Variants in VPS37D observed in about 807,000 individuals in gnomAD.
VPS37D encodes vacuolar protein sorting-associated protein 37D.
In VPS37D, 5 loss-of-function variants were observed where a neutral mutation model predicts 22.0. That is an observed-to-expected ratio of 0.23 (90% CI 0.12 to 0.48). The LOEUF (loss-of-function observed/expected upper bound fraction) is 0.48, where lower values mean the gene tolerates loss of function less well. Among genes scored for constraint, VPS37D ranks in the 20% least tolerant of loss-of-function variants. The pLI is 0.99. For missense variants in VPS37D, 384 were observed against 345.8 expected (o/e 1.11, Z -0.88); for synonymous variants, 174 against 159.3 (o/e 1.09, Z -0.69).
Position 73,668,043 on chromosome 7 carries a change from G to A in VPS37D, c.85G>A (p.Asp29Asn). The A allele has an allele frequency of 8.6e-7, 1 of 1,168,936 alleles. No individual in the cohort carries two copies. Among genetic ancestry groups the A allele is most frequent in the South Asian group, 3.0e-5 (1 of 32,852 alleles). 72.4% of individuals were successfully genotyped at this position (1,168,936 alleles called of 1,614,324 possible). A position where few individuals can be genotyped will look rare whatever the true frequency, so the allele number is the denominator to read the frequency against. ...FGILSTGQLR[D>N]LLQDEPKLDR... is the part of the protein sequence containing the mutation. ...GATCCTCAGCACCGGGCAGCTCCGG[G>A]ACCTGCTTCAGGATGAGCCCAAGCT... The change falls in exon 1 of 4, where the codon GAC becomes AAC. Residue 29 changes from aspartate to asparagine, a missense_variant. Coordinates refer to ENST00000324941, the MANE Select transcript of VPS37D (RefSeq NM_001077621.2).
intron 3 of VPS37D, among the ~76,000 whole-genome samples, chr7:73,670,667 G>A (rs1417642530): frequency 1.3e-5 from 2 of 152,076 alleles, no homozygotes; most frequent in Non-Finnish European, 1.5e-5. Context: ...AAAATTAGCC[G>A]GGCGTGGTGG....
upstream of VPS37D, among the ~76,000 whole-genome samples, chr7:73,666,973 C>CTT (rs71082248): frequency 0.026 from 3,364 of 129,944 alleles, 173 homozygotes; most frequent in African/African-American, 0.068. Context: ...TCTTTTCACT[C>CTT]TTTTTTTTTT....
chr7:73,669,022 A>G (rs1797445534), intron 1 of VPS37D, among the ~76,000 whole-genome samples: 1 of 151,802 alleles, frequency 6.6e-6, no homozygotes, highest in Non-Finnish European at 1.5e-5. Context: ...AGTGAGAGGG[A>G]AGCTGTCCAT....
rs1341907637 is a variant in VPS37D, at chr7:73,668,113, G to C, written c.138+17G>C. The stretch of plus-strand genomic sequence containing the variant: ...AGCAGGAAGGTAGCGCGGGGGGCTC[G>C]AGCGGGGGGCGCGGGGGACGGGCAG... On this transcript the variant is annotated intron_variant, in intron 1 of 3. Transcript: ENST00000324941. 29 of 1,089,930 alleles carry C rather than the reference G, an allele frequency of 2.7e-5. No individual in the cohort carries two copies. The South Asian group carries it at 8.2e-4, about 31-fold the overall frequency. The allele number at this position is 1,089,930 out of a possible 1,614,324, so 67.5% of individuals were successfully genotyped here.
intron 2 of VPS37D, 136 bp from the exon 3 acceptor site, chr7:73,669,884 C>G: frequency 8.3e-6 from 12 of 1,448,804 alleles, no homozygotes; most frequent in Non-Finnish European, 1.1e-5. Flanking sequence ...AAAGCGGTCA[C>G]ATGGGCACGG....
rs1554609299 is a variant in VPS37D, at chr7:73,669,549, G to A, written c.269G>A (p.Arg90His). 5 of 1,591,326 alleles carry A rather than the reference G, an allele frequency of 3.1e-6. No homozygotes were observed. Among genetic ancestry groups the A allele is most frequent in the African/African-American group, 1.3e-5 (1 of 74,500 alleles). Reference protein sequence around the residue: ...AALAIKYQELREVAENCADKL... With the variant: ...AALAIKYQELHEVAENCADKL... ...CTGGCCATCAAATACCAGGAGCTTCGTGAGGTGGCCGAGAACTGCGCGGAC... is the reference window on the plus strand; with the variant it reads ...CTGGCCATCAAATACCAGGAGCTTCATGAGGTGGCCGAGAACTGCGCGGAC... The change falls in exon 2 of 4, where the codon CGT becomes CAT. Residue 90 changes from arginine to histidine, a missense_variant. By Grantham distance (29) the Arg-to-His change is conservative. Transcript: ENST00000324941.
chr7:73,666,554 G>C (rs1242032835), upstream of VPS37D, among the ~76,000 whole-genome samples: 1 of 151,880 alleles, frequency 6.6e-6, no homozygotes, highest in Non-Finnish European at 1.5e-5. Flanking sequence ...TCAGCCACCT[G>C]AGTAGCTGGA....
Position 73,668,049 on chromosome 7 carries a change from C to G in VPS37D, c.91C>G (p.Leu31Val). 8.5e-7 allele frequency: 1 copy of G among 1,170,440 alleles called. No individual in the cohort carries two copies. The highest frequency in any genetic ancestry group is 1.1e-6 in the Non-Finnish European group (1 of 936,912). The allele number at this position is 1,170,440 out of a possible 1,614,324, so 72.5% of individuals were successfully genotyped here. The change falls in exon 1 of 4, where the codon CTT (leucine) becomes GTT (valine). Residue 31 changes from leucine (L) to valine (V), a missense_variant. Physicochemically the swap from Leu to Val is conservative, Grantham distance 32 (BLOSUM62 1). Coordinates refer to ENST00000324941, the MANE Select transcript of VPS37D (RefSeq NM_001077621.2). ...ILSTGQLRDL[L>V]QDEPKLDRIV... ...CAGCACCGGGCAGCTCCGGGACCTG[C>G]TTCAGGATGAGCCCAAGCTGGACCG...
upstream of VPS37D, among the ~76,000 whole-genome samples, chr7:73,667,616 G>C (rs536621989): frequency 2.0e-5 from 3 of 152,296 alleles, no homozygotes; most frequent in African/African-American, 7.2e-5. Flanking sequence ...TCCGTGCCTG[G>C]GGGCGTGGTG....
intron 2 of VPS37D, 49 bp downstream of exon 2, chr7:73,669,639 CCAT>C: frequency 3.2e-6 from 5 of 1,542,054 alleles, no homozygotes; most frequent in Non-Finnish European, 4.4e-6. Flanking sequence ...GGGCAGTTGG[CCAT>C]CCGGTGGGTT....
At chr7:73,667,321 G>A (rs868930847), upstream of VPS37D, among the ~76,000 whole-genome samples, 3 of 151,536 alleles carry the variant, frequency 2.0e-5, no homozygotes, top group Admixed American at 6.6e-5. Context: ...ATAGAGACGG[G>A]GGTCTTGTTA....
chr7:73,671,196 C>A lies in VPS37D; in HGVS notation c.576C>A (p.Ser192=). The change falls in exon 4 of 4, where the codon TCC becomes TCA. Residue 192 remains serine (S), a synonymous_variant. Transcript: ENST00000324941. ...APTSAADPPK[S]FPAAAVLPTG... ...CCTCGGCTGCTGATCCCCCCAAATC[C>A]TTCCCGGCTGCAGCTGTCCTGCCCA... 1 of 1,596,764 alleles carries A rather than the reference C, an allele frequency of 6.3e-7. No homozygotes were observed. The highest frequency in any genetic ancestry group is 8.5e-7 in the Non-Finnish European group (1 of 1,173,620).
intron 2 of VPS37D, 70 bp from the exon 3 acceptor site, chr7:73,669,950 T>G: frequency 1.3e-6 from 2 of 1,549,398 alleles, no homozygotes; most frequent in Non-Finnish European, 8.7e-7. Flanking sequence ...TAGAATCACA[T>G]GGGGTCAGCG....
In VPS37D at chr7:73,670,122, G is replaced by C; in HGVS notation, c.393+20G>C. 1 of 1,550,228 alleles carries C rather than the reference G, an allele frequency of 6.5e-7. No homozygotes were observed. Among genetic ancestry groups the C allele is most frequent in the East Asian group, 2.4e-5 (1 of 40,910 alleles). Reference sequence around the variant, plus strand: ...GCAGAGGTGAGGGGAGGGGTGGCTGGGGCTGGGGGCCAGGAGGGAGACCCA... The same window carrying C: ...GCAGAGGTGAGGGGAGGGGTGGCTGCGGCTGGGGGCCAGGAGGGAGACCCA... On this transcript the variant is annotated intron_variant, in intron 3 of 3. Coordinates refer to ENST00000324941, the MANE Select transcript of VPS37D (RefSeq NM_001077621.2).
chr7:73,667,893 G>GGAGCC lies in VPS37D; in HGVS notation c.-64_-60dup, dbSNP rs542721670. ...GAGCCGGAGCGGAGCGGAGCGGAGC[G>GGAGCC]GAGCCGGGGCGGAGCGGGCCGAGCG... On this transcript the variant is annotated 5_prime_UTR_variant, in exon 1 of 4. Coordinates refer to ENST00000324941, the MANE Select transcript of VPS37D (RefSeq NM_001077621.2). The GGAGCC allele has an allele frequency of 4.2e-3, 2,308 of 553,694 alleles. 56 individuals are homozygous for GGAGCC. The African/African-American group carries it at 0.044, about 11-fold the overall frequency. 34.3% of individuals were successfully genotyped at this position (553,694 alleles called of 1,614,324 possible).
chr7:73,670,912 G>C, intron 3 of VPS37D, 102 bp from the exon 4 acceptor site: 2 of 1,485,186 alleles, frequency 1.3e-6, no homozygotes, highest in Non-Finnish European at 9.0e-7. Flanking sequence ...CCCAGCTGAG[G>C]GGTGATCACC....
At position 73,667,941 on chromosome 7, in the gene VPS37D, G is replaced by GGGGCGCGGGCGGGCGGCATGTACC; in HGVS notation, c.-13_11dup. On this transcript the variant is annotated 5_prime_UTR_variant, in exon 1 of 4. The change creates a new upstream start codon in the 5' untranslated region. Coordinates refer to ENST00000324941, the MANE Select transcript of VPS37D (RefSeq NM_001077621.2). ...GCGGGCCGAGCCAGCAGCCGAGCTG[G>GGGGCGCGGGCGGGCGGCATGTACC]GGGCGCGGGCGGGCGGCATGTACCG... is the stretch of plus-strand genomic sequence containing the variant. 1.0e-6 allele frequency: 1 copy of GGGGCGCGGGCGGGCGGCATGTACC among 992,950 alleles called. No individual in the cohort carries two copies. The highest frequency in any genetic ancestry group is 9.0e-5 in the East Asian group (1 of 11,118). 61.5% of individuals were successfully genotyped at this position (992,950 alleles called of 1,614,324 possible). A position where few individuals can be genotyped will look rare whatever the true frequency, so the allele number is the denominator to read the frequency against.
At chr7:73,668,191 GGCCGCCCGTGGGCGCGGA>G (rs1797425617) in intron 1 of VPS37D, 95 bp downstream of exon 1, 2 of 787,224 alleles carry the variant, frequency 2.5e-6, no homozygotes, top group Non-Finnish European at 3.1e-6. Flanking sequence ...CGGGCCGCGG[GGCCGCCCGTGGGCGCGGA>G]GCCTGGCACG....
Position 73,667,952 on chromosome 7 carries a change from G to A in VPS37D, c.-7G>A. ...CAGCAGCCGAGCTGGGGGCGCGGGCGGGCGGCATGTACCGGGCCCGGGCGG... is the reference window on the plus strand; with the variant it reads ...CAGCAGCCGAGCTGGGGGCGCGGGCAGGCGGCATGTACCGGGCCCGGGCGG... On this transcript the variant is annotated 5_prime_UTR_variant, in exon 1 of 4. Transcript: ENST00000324941. 6 of 1,027,962 alleles carry A rather than the reference G, an allele frequency of 5.8e-6. No homozygotes were observed. The highest frequency in any genetic ancestry group is 5.9e-6 in the Non-Finnish European group (5 of 854,144). The allele number at this position is 1,027,962 out of a possible 1,614,324, so 63.7% of individuals were successfully genotyped here.
Sources: allele counts gnomAD v4.1 joint callset (sites outside exome capture counted in the v4.1 genomes callset), GRCh38; gene constraint gnomAD v4.1.1; transcripts MANE v1.5; gene names NCBI Gene and HGNC (gene_info 2026-07-23, HGNC 2026-07-21).